PIP4P2: variants seen among roughly 807,000 people sequenced by gnomAD.
PIP4P2 encodes the protein phosphatidylinositol-4,5-bisphosphate 4-phosphatase 2.
PIP4P2 carries 19 observed loss-of-function variants against 33.3 expected under a neutral mutation model. The observed-to-expected ratio is 0.57, with a 90% CI of 0.40 to 0.84. PIP4P2 has a LOEUF of 0.84. PIP4P2 is among the 40% of genes least tolerant of loss of function. The pLI is 0.00. For missense variants in PIP4P2, 270 were observed against 324.7 expected (o/e 0.83, Z 1.29); for synonymous variants, 110 against 111.9 (o/e 0.98, Z 0.11).
chr8:91,002,109 C>T (rs933862353), intron 5 of PIP4P2, among the ~76,000 whole-genome samples: 1 of 152,042 alleles, frequency 6.6e-6, no homozygotes, highest in African/African-American at 2.4e-5. Flanking sequence ...ATTCTAACCC[C>T]GCTACCTTGT....
chr8:91,008,625 G>T (rs1219543724), intron 5 of PIP4P2, 118 bp downstream of exon 5: 10 of 775,840 alleles, frequency 1.3e-5, no homozygotes, highest in African/African-American at 1.2e-4. Context: ...TAAATACATT[G>T]GCATGGATTC....
chr8:91,028,958 T>A (rs1812120298), intron 1 of PIP4P2, among the ~76,000 whole-genome samples: 1 of 152,160 alleles, frequency 6.6e-6, no homozygotes, highest in South Asian at 2.1e-4. Flanking sequence ...AATTCTACTG[T>A]TTATCTGTAG....
intron 5 of PIP4P2, among the ~76,000 whole-genome samples, chr8:91,007,187 G>A (rs1396852440): frequency 6.6e-6 from 1 of 152,072 alleles, no homozygotes. Context: ...CACGTATTAA[G>A]GGTTTATCCA....
At chr8:91,012,667 T>C (rs1406011821) in intron 4 of PIP4P2, among the ~76,000 whole-genome samples, 1 of 152,168 alleles carries the variant, frequency 6.6e-6, no homozygotes, top group African/African-American at 2.4e-5. Flanking sequence ...TTTTAAATAA[T>C]AGTTACTCTG....
At chr8:91,019,414 A>T (rs1811968422) in intron 3 of PIP4P2, among the ~76,000 whole-genome samples, 1 of 145,886 alleles carries the variant, frequency 6.9e-6, no homozygotes, top group Non-Finnish European at 1.5e-5. Context: ...AAAAAAAAAA[A>T]AAAAAAAAAA....
At chr8:91,020,310 G>T in intron 2 of PIP4P2, 47 bp from the exon 3 acceptor site, 1 of 1,544,304 alleles carries the variant, frequency 6.5e-7, no homozygotes, top group Non-Finnish European at 8.9e-7. Flanking sequence ...CCAAAGTACA[G>T]ATTGTCAAAG....
rs113123458 is a variant in PIP4P2 at position 91,035,552 on chromosome 8, G to A, written c.106+5092C>T. On this transcript the variant is annotated intron_variant, in intron 1 of 6. Coordinates refer to ENST00000285419, the MANE Select transcript of PIP4P2 (RefSeq NM_018710.3). ...ATCTCCTGGTTTTTGTCACCTTGCC[G>A]GCAGCTACATTCACCTTCCTCTCCC... is the stretch of plus-strand genomic sequence containing the variant. Among the ~76,000 whole-genome samples, 1,004 of 152,120 alleles carry A rather than the reference G, an allele frequency of 6.6e-3. 9 individuals carry two copies. The highest frequency in any genetic ancestry group is 0.023 in the African/African-American group (942 of 41,510).
chr8:91,017,441 AAAAT>A (rs1254811714), intron 4 of PIP4P2, among the ~76,000 whole-genome samples: 1 of 152,062 alleles, frequency 6.6e-6, no homozygotes, highest in Non-Finnish European at 1.5e-5. Context: ...AAAATTATAA[AAAAT>A]AAACACATAG....
Position 91,020,159 on chromosome 8 carries a change from G to A in PIP4P2, c.360C>T (p.Asn120=). The part of the protein sequence containing the change: ...TSRRIGCPRP[N]CRRIINLGPV... ...ATGAATTAATCTTTATCTCTTACCA[G>A]TTGGGTCTTGGGCATCCTATTCGCC... is the stretch of plus-strand genomic sequence containing the variant. The change falls in exon 3 of 7, where the codon AAC becomes AAT. Residue 120 remains asparagine (N), a splice_region_variant and synonymous_variant. Coordinates refer to ENST00000285419, the MANE Select transcript of PIP4P2 (RefSeq NM_018710.3). 1.2e-6 allele frequency: 2 copies of A among 1,613,050 alleles called. No homozygotes were observed. Among genetic ancestry groups the A allele is most frequent in the South Asian group, 1.1e-5 (1 of 91,036 alleles).
At chr8:91,011,019 G>GAGATAGATAGATAGATAGATAGAT (rs3084284) in intron 4 of PIP4P2, among the ~76,000 whole-genome samples, 1 of 145,276 alleles carries the variant, frequency 6.9e-6, no homozygotes, top group Non-Finnish European at 1.5e-5. Flanking sequence ...GTATCTTACT[G>GAGATAGATAGATAGATAGATAGAT]AGATAGATAG....
intron 4 of PIP4P2, among the ~76,000 whole-genome samples, chr8:91,009,176 T>C (rs1311062745): frequency 1.3e-5 from 2 of 152,128 alleles, no homozygotes; most frequent in Non-Finnish European, 2.9e-5. Flanking sequence ...TTTTAAATAC[T>C]TGAATATTTA....
chr8:91,006,887 T>C (rs749895473), intron 5 of PIP4P2, among the ~76,000 whole-genome samples: 1 of 152,180 alleles, frequency 6.6e-6, no homozygotes, highest in East Asian at 1.9e-4. Flanking sequence ...GAGAATTGCT[T>C]GAACCCCGGA....
intron 1 of PIP4P2, among the ~76,000 whole-genome samples, chr8:91,037,596 A>T (rs1453249488): frequency 6.6e-6 from 1 of 152,204 alleles, no homozygotes; most frequent in African/African-American, 2.4e-5. Flanking sequence ...CTGGAAGAGG[A>T]GCCATGACTA....
rs1812297273 is a variant in PIP4P2 at position 91,040,823 on chromosome 8, T to C, written c.-74A>G. The stretch of plus-strand genomic sequence containing the variant: ...TCGGCGGAGTGGTGGCTACTGCTGC[T>C]GCCTCTGCTGCCGCTGCTGCCGCTG... On this transcript the variant is annotated 5_prime_UTR_variant, in exon 1 of 7. Coordinates refer to ENST00000285419, the MANE Select transcript of PIP4P2 (RefSeq NM_018710.3). 7.9e-7 allele frequency: 1 copy of C among 1,264,094 alleles called. No individual in the cohort carries two copies. The highest frequency in any genetic ancestry group is 1.2e-5 in the South Asian group (1 of 81,362). The allele number at this position is 1,264,094 out of a possible 1,614,324, so 78.3% of individuals were successfully genotyped here.
chr8:91,011,860 T>C (rs1342632635), intron 4 of PIP4P2, among the ~76,000 whole-genome samples: 1 of 152,046 alleles, frequency 6.6e-6, no homozygotes, highest in Non-Finnish European at 1.5e-5. Flanking sequence ...TGTGAGAATA[T>C]GGAGAAGCTA....
At chr8:91,004,079 C>A (rs1470232863) in intron 5 of PIP4P2, among the ~76,000 whole-genome samples, 1 of 152,064 alleles carries the variant, frequency 6.6e-6, no homozygotes, top group Admixed American at 6.6e-5. Context: ...AGAAGTCTTG[C>A]AACAGGGGAT....
At chr8:91,040,617 A>G in intron 1 of PIP4P2, 27 bp downstream of exon 1, 6 of 1,612,586 alleles carry the variant, frequency 3.7e-6, no homozygotes, top group Non-Finnish European at 5.1e-6. Context: ...CTTCCTTGCA[A>G]AGTAGAGGGA....
At position 91,040,827 on chromosome 8, in the gene PIP4P2, T is replaced by TCCG; in HGVS notation, c.-79_-78insCGG. 2 of 1,332,752 alleles carry TCCG rather than the reference T, an allele frequency of 1.5e-6. No homozygotes were observed. Among genetic ancestry groups the TCCG allele is most frequent in the South Asian group, 2.4e-5 (2 of 82,016 alleles). The allele number at this position is 1,332,752 out of a possible 1,614,324, so 82.6% of individuals were successfully genotyped here. A position where few individuals can be genotyped will look rare whatever the true frequency, so the allele number is the denominator to read the frequency against. ...CGGAGTGGTGGCTACTGCTGCTGCC[T>TCCG]CTGCTGCCGCTGCTGCCGCTGCAGC... On this transcript the variant is annotated 5_prime_UTR_variant, in exon 1 of 7. Coordinates refer to ENST00000285419, the MANE Select transcript of PIP4P2 (RefSeq NM_018710.3).
chr8:91,032,878 C>T (rs1327840604), intron 1 of PIP4P2, among the ~76,000 whole-genome samples: 1 of 151,962 alleles, frequency 6.6e-6, no homozygotes, highest in African/African-American at 2.4e-5. Context: ...ATTACAGTTT[C>T]CATTTAGATC....
Sources: gnomAD v4.1 joint callset for allele counts (sites outside exome capture counted in the v4.1 genomes callset) on GRCh38, gnomAD v4.1.1 for gene constraint, MANE v1.5 for transcripts, NCBI Gene and HGNC (gene_info 2026-07-23, HGNC 2026-07-21) for gene names.